The following XPR1 variants were observed in gnomAD, a reference collection of about 807,000 sequenced individuals.
The protein encoded by XPR1 is solute carrier family 53 member 1.
Under a neutral mutation model 87.5 loss-of-function variants are expected in XPR1, and 28 were observed. That is an observed-to-expected ratio of 0.32 (90% CI 0.24 to 0.44). The LOEUF (loss-of-function observed/expected upper bound fraction) is 0.44. XPR1 is among the 20% of genes least tolerant of loss of function. XPR1 has a pLI of 1.00. For synonymous variants in XPR1, 300 were observed against 306.1 expected (o/e 0.98, Z 0.21); for missense variants, 559 against 862.3 (o/e 0.65, Z 4.41).
intron 7 of XPR1, among the ~76,000 whole-genome samples, chr1:180,819,322 T>C (rs1030194975): frequency 6.6e-6 from 1 of 152,228 alleles, no homozygotes; most frequent in African/African-American, 2.4e-5. Flanking sequence ...CAGAAGAATA[T>C]ATCTTTAGCA....
At chr1:180,802,821 A>G (rs1271253389) in intron 3 of XPR1, among the ~76,000 whole-genome samples, 1 of 152,208 alleles carries the variant, frequency 6.6e-6, no homozygotes, top group African/African-American at 2.4e-5. Context: ...AATGTCTTCA[A>G]GGTTCATCCA....
In XPR1 at chr1:180,722,389, C is replaced by T. The variant is rs557681530; in HGVS notation, c.121+39978C>T. Among the ~76,000 whole-genome samples, 12 of 152,232 alleles carry T rather than the reference C, an allele frequency of 7.9e-5. No individual in the cohort carries two copies. The South Asian group carries it at 1.2e-3, about 16-fold the overall frequency. ...GATTACAGACATGAGCCACCGCGCC[C>T]GGCCCTTAAAATGTTACTTTAAATT... On this transcript the variant is annotated intron_variant, in intron 2 of 14. Transcript: ENST00000367590.
At chr1:180,841,801 A>G (rs185744823) in intron 11 of XPR1, among the ~76,000 whole-genome samples, 164 of 152,312 alleles carry the variant, frequency 1.1e-3, no homozygotes, top group African/African-American at 3.8e-3. Context: ...TAAATAAAAA[A>G]AAACTCATAG....
intron 1 of XPR1, among the ~76,000 whole-genome samples, chr1:180,666,758 A>G (rs1655975099): frequency 6.6e-6 from 1 of 152,184 alleles, no homozygotes; most frequent in Non-Finnish European, 1.5e-5. Context: ...TCTACATATA[A>G]AATTAGCATA....
chr1:180,789,544 A>G (rs1649300631), intron 3 of XPR1, among the ~76,000 whole-genome samples: 1 of 151,922 alleles, frequency 6.6e-6, no homozygotes, highest in Non-Finnish European at 1.5e-5. Flanking sequence ...TCAGTTTATC[A>G]TACATGTCTT....
chr1:180,735,245 A>G (rs1172225381), intron 2 of XPR1, among the ~76,000 whole-genome samples: 2 of 152,244 alleles, frequency 1.3e-5, no homozygotes, highest in African/African-American at 4.8e-5. Flanking sequence ...TGAGTATTCC[A>G]TTATGGCTCT....
intron 3 of XPR1, among the ~76,000 whole-genome samples, chr1:180,793,067 C>CATAG (rs1196285594): frequency 2.6e-5 from 4 of 151,730 alleles, no homozygotes; most frequent in Admixed American, 2.6e-4. Flanking sequence ...ATTGGGAAGT[C>CATAG]ATAGCAGTGT....
At chr1:180,718,561 G>T (rs1225830777) in intron 2 of XPR1, among the ~76,000 whole-genome samples, 1 of 152,068 alleles carries the variant, frequency 6.6e-6, no homozygotes, top group African/African-American at 2.4e-5. Context: ...ATTCATAACT[G>T]TGGTTGCACA....
chr1:180,678,953 T>C (rs926244082), intron 1 of XPR1, among the ~76,000 whole-genome samples: 1 of 152,074 alleles, frequency 6.6e-6, no homozygotes, highest in African/African-American at 2.4e-5. Flanking sequence ...CCCAGCACTT[T>C]AGGAGGCCGA....
At chr1:180,656,577 A>T (rs1163464175) in intron 1 of XPR1, among the ~76,000 whole-genome samples, 2 of 53,458 alleles carry the variant, frequency 3.7e-5, no homozygotes, top group Non-Finnish European at 7.2e-5. Context: ...TATTTTATAT[A>T]TGTATGTATA....
At chr1:180,861,390 A>G (rs887085807) in intron 11 of XPR1, among the ~76,000 whole-genome samples, 2 of 152,108 alleles carry the variant, frequency 1.3e-5, no homozygotes, top group Non-Finnish European at 2.9e-5. Flanking sequence ...GAATTGTAGT[A>G]TCTTTTTTAA....
intron 7 of XPR1, among the ~76,000 whole-genome samples, chr1:180,823,692 A>G (rs1191807375): frequency 1.3e-5 from 2 of 152,176 alleles, no homozygotes; most frequent in African/African-American, 4.8e-5. Context: ...ATGATATTGA[A>G]CATTTGTGTG....
intron 1 of XPR1, among the ~76,000 whole-genome samples, chr1:180,669,846 T>C (rs563397007): frequency 1.3e-5 from 2 of 152,216 alleles, no homozygotes; most frequent in East Asian, 3.9e-4. Context: ...AATAATAATA[T>C]AGAACAGTTA....
chr1:180,777,015 T>G (rs868119810), intron 2 of XPR1, among the ~76,000 whole-genome samples: 14 of 152,242 alleles, frequency 9.2e-5, no homozygotes, highest in Middle Eastern at 3.4e-3. Flanking sequence ...ATTAGCAGTT[T>G]TAGTTAGAAA....
intron 2 of XPR1, among the ~76,000 whole-genome samples, chr1:180,728,801 C>G (rs1557977651): frequency 6.6e-6 from 1 of 152,146 alleles, no homozygotes; most frequent in Non-Finnish European, 1.5e-5. Context: ...TTCTTAGAAA[C>G]ATGGAATGCC....
At chr1:180,685,319 C>T (rs1656727104) in intron 2 of XPR1, among the ~76,000 whole-genome samples, 1 of 152,212 alleles carries the variant, frequency 6.6e-6, no homozygotes, top group South Asian at 2.1e-4. Flanking sequence ...ACCAGCCTTG[C>T]ATCCCAGGGT....
At chr1:180,703,044 C>A (rs1657406635) in intron 2 of XPR1, among the ~76,000 whole-genome samples, 1 of 152,072 alleles carries the variant, frequency 6.6e-6, no homozygotes, top group South Asian at 2.1e-4. Flanking sequence ...ATTTATGTAG[C>A]TTTAATTAGT....
chr1:180,699,689 C>G (rs1455617557), intron 2 of XPR1, among the ~76,000 whole-genome samples: 1 of 126,670 alleles, frequency 7.9e-6, no homozygotes, highest in Non-Finnish European at 1.6e-5. Flanking sequence ...GTGCATGTGT[C>G]TTTAGAGCAG....
At chr1:180,695,296 C>G (rs1449705728) in intron 2 of XPR1, among the ~76,000 whole-genome samples, 2 of 151,992 alleles carry the variant, frequency 1.3e-5, no homozygotes, top group Non-Finnish European at 2.9e-5. Flanking sequence ...ATACTATTTG[C>G]TTTTCAGATG....
Sources: allele counts gnomAD v4.1 joint callset (sites outside exome capture counted in the v4.1 genomes callset), GRCh38; gene constraint gnomAD v4.1.1; transcripts MANE v1.5; gene names NCBI Gene and HGNC (gene_info 2026-07-23, HGNC 2026-07-21).